Variants in ALK observed in about 807,000 individuals in gnomAD.
ALK encodes ALK tyrosine kinase receptor.
A neutral mutation model predicts 163.1 loss-of-function variants in ALK; 74 were observed. That is an observed-to-expected ratio of 0.45 (90% CI 0.38 to 0.55). ALK has a LOEUF of 0.55. Among genes scored for constraint, ALK ranks in the 20% least tolerant of loss-of-function variants. ALK has a pLI of 0.00. For synonymous variants in ALK, 960 were observed against 843.2 expected (o/e 1.14, Z -2.40); for missense variants, 2,063 against 2,105.3 (o/e 0.98, Z 0.39).
At chr2:29,371,204 G>A (rs867258927) in intron 5 of ALK, among the ~76,000 whole-genome samples, 1 of 152,190 alleles carries the variant, frequency 6.6e-6, no homozygotes, top group African/African-American at 2.4e-5. Flanking sequence ...ATCTCAACCA[G>A]AAGGGCAAAA....
intron 3 of ALK, among the ~76,000 whole-genome samples, chr2:29,589,108 G>A (rs1018290493): frequency 2.0e-5 from 3 of 152,272 alleles, no homozygotes; most frequent in South Asian, 2.1e-4. Flanking sequence ...TTCAACCACC[G>A]AGCAAGCGAT....
chr2:29,578,235 C>T (rs896117548), intron 3 of ALK, among the ~76,000 whole-genome samples: 2 of 152,136 alleles, frequency 1.3e-5, no homozygotes, highest in African/African-American at 4.8e-5. Context: ...TCATGTAAGA[C>T]ATGACTTGCC....
intron 1 of ALK, among the ~76,000 whole-genome samples, chr2:29,876,190 T>C (rs887467133): frequency 1.3e-5 from 2 of 152,272 alleles, no homozygotes; most frequent in African/African-American, 2.4e-5. Context: ...CTCAACTGCA[T>C]ACTATTGTTG....
At chr2:29,833,104 G>C (rs551705170) in intron 1 of ALK, among the ~76,000 whole-genome samples, 1 of 152,308 alleles carries the variant, frequency 6.6e-6, no homozygotes, top group East Asian at 1.9e-4. Flanking sequence ...GCTGTCAGGG[G>C]ACAAGACCTC....
intron 1 of ALK, among the ~76,000 whole-genome samples, chr2:29,871,637 T>C (rs1455117573): frequency 2.0e-5 from 3 of 152,224 alleles, no homozygotes; most frequent in Non-Finnish European, 4.4e-5. Flanking sequence ...CTTGACTACA[T>C]ATGTGCTTAA....
chr2:29,295,632 C>G (rs1180369346), intron 9 of ALK, among the ~76,000 whole-genome samples: 1 of 152,310 alleles, frequency 6.6e-6, no homozygotes, highest in South Asian at 2.1e-4. Context: ...AGCACTGATG[C>G]AGTTATGAGC....
chr2:29,585,605 C>T (rs1015347392), intron 3 of ALK, among the ~76,000 whole-genome samples: 5 of 152,046 alleles, frequency 3.3e-5, no homozygotes, highest in Admixed American at 2.0e-4. Flanking sequence ...TGAGATCACC[C>T]GCGTGAGCCA....
intron 1 of ALK, among the ~76,000 whole-genome samples, chr2:29,768,890 G>A (rs944383510): frequency 3.3e-5 from 5 of 151,728 alleles, no homozygotes; most frequent in African/African-American, 1.2e-4. Context: ...CTGGAGTGCA[G>A]GAGCACAATC....
intron 4 of ALK, among the ~76,000 whole-genome samples, chr2:29,386,997 AG>A (rs1346618840): frequency 6.6e-6 from 1 of 152,180 alleles, no homozygotes; most frequent in Non-Finnish European, 1.5e-5. Context: ...AATTCTACTT[AG>A]GCTTGCAGAA....
chr2:29,328,303 G>T, intron 6 of ALK, 47 bp downstream of exon 6: 1 of 1,613,658 alleles, frequency 6.2e-7, no homozygotes, highest in South Asian at 1.1e-5. Flanking sequence ...ACGGGGTTAT[G>T]AGCATGGGCT....
chr2:29,482,918 GT>G, intron 4 of ALK, among the ~76,000 whole-genome samples: 1 of 152,140 alleles, frequency 6.6e-6, no homozygotes, highest in Non-Finnish European at 1.5e-5. Flanking sequence ...ATAATGGAGA[GT>G]GCCAATGGCA....
At chr2:29,820,615 A>G (rs1665021896) in intron 1 of ALK, among the ~76,000 whole-genome samples, 1 of 152,214 alleles carries the variant, frequency 6.6e-6, no homozygotes, top group African/African-American at 2.4e-5. Context: ...CTGAAAAAGA[A>G]GCACGTCCCA....
intron 1 of ALK, among the ~76,000 whole-genome samples, chr2:29,726,295 C>T (rs1003073499): frequency 2.0e-5 from 3 of 152,114 alleles, no homozygotes; most frequent in Admixed American, 6.6e-5. Flanking sequence ...CCTATTTTCT[C>T]CCCCCAAAAT....
rs189154289 is a variant in ALK, at chr2:29,333,511, G to A, written c.1283-5030C>T. 2.7e-3 allele frequency among the ~76,000 whole-genome samples: 406 copies of A among 152,272 alleles called. 1 individual carries two copies. Among genetic ancestry groups the A allele is most frequent in the Middle Eastern group, 0.02 (6 of 294 alleles). Reference sequence around the variant, plus strand: ...TAGGTTCTTCCTGTTTTCATACTGAGTTGTATGAGGTCATTAATAAGGATG... The same window carrying A: ...TAGGTTCTTCCTGTTTTCATACTGAATTGTATGAGGTCATTAATAAGGATG... On this transcript the variant is annotated intron_variant, in intron 5 of 28. Coordinates refer to ENST00000389048, the MANE Select transcript of ALK (RefSeq NM_004304.5).
At position 29,758,603 on chromosome 2, in the gene ALK, T is replaced by C. The variant is rs187102073; in HGVS notation, c.668-40906A>G. Among the ~76,000 whole-genome samples the C allele has an allele frequency of 1.3e-3, 205 of 152,300 alleles. 1 individual carries two copies. Among genetic ancestry groups the C allele is most frequent in the African/African-American group, 4.5e-3 (188 of 41,576 alleles). The stretch of plus-strand genomic sequence containing the variant: ...CCTTTCTGCATTGAATACAGGCACC[T>C]GGCCCTCTCCTTGGCTCCCTCCTCG... On this transcript the variant is annotated intron_variant, in intron 1 of 28. Coordinates refer to ENST00000389048, the MANE Select transcript of ALK (RefSeq NM_004304.5).
intron 1 of ALK, among the ~76,000 whole-genome samples, chr2:29,776,587 G>C (rs1259898412): frequency 6.6e-6 from 1 of 152,168 alleles, no homozygotes; most frequent in Non-Finnish European, 1.5e-5. Context: ...ATCTGAGTCA[G>C]ATCTGTTTCT....
intron 1 of ALK, chr2:29,892,132 C>T (rs572105484): frequency 6.6e-6 from 1 of 152,350 alleles, no homozygotes; most frequent in African/African-American, 2.4e-5. Context: ...TTGGCCTTGG[C>T]TTCAAGATTT....
At chr2:29,706,545 T>A (rs1678916232) in intron 2 of ALK, among the ~76,000 whole-genome samples, 1 of 152,150 alleles carries the variant, frequency 6.6e-6, no homozygotes, top group South Asian at 2.1e-4. Context: ...ATTCAAGACA[T>A]CTGTTTAGCT....
intron 5 of ALK, among the ~76,000 whole-genome samples, chr2:29,380,971 G>C (rs1668881934): frequency 6.6e-6 from 1 of 152,216 alleles, no homozygotes; most frequent in South Asian, 2.1e-4. Flanking sequence ...TAAAGGTTCT[G>C]GCAATTTGGG....
Sources: allele counts gnomAD v4.1 joint callset (sites outside exome capture counted in the v4.1 genomes callset), GRCh38; gene constraint gnomAD v4.1.1; transcripts MANE v1.5; gene names NCBI Gene and HGNC (gene_info 2026-07-23, HGNC 2026-07-21).